The following CFAP300 variants were observed in gnomAD, a reference collection of about 807,000 sequenced individuals.
CFAP300 encodes the protein cilia- and flagella-associated protein 300.
CFAP300 carries 32 observed loss-of-function variants against 33.0 expected under a neutral mutation model. That is an observed-to-expected ratio of 0.97 (90% CI 0.73 to 1.30). The LOEUF (loss-of-function observed/expected upper bound fraction) is 1.30. CFAP300 is among the 50% of genes most tolerant of loss of function. The pLI, the probability that CFAP300 is intolerant of heterozygous loss-of-function variation, is 0.00. For synonymous variants in CFAP300, 102 were observed against 106.8 expected (o/e 0.95, Z 0.28); for missense variants, 356 against 318.1 (o/e 1.12, Z -0.90).
chr11:102,067,260 G>A (rs1007784317), intron 4 of CFAP300, among the ~76,000 whole-genome samples: 2 of 152,192 alleles, frequency 1.3e-5, no homozygotes, highest in Non-Finnish European at 2.9e-5. Flanking sequence ...TGCTCGGAAG[G>A]CTGAAGTGAG....
rs763307794 is a variant in CFAP300, at chr11:102,066,505, G to T, written c.289G>T (p.Glu97Ter). The part of the protein sequence containing the change: ...IILGTEVKKI[E>*]AINVPCTQLS... ...TTCAGGAACTGAAGTGAAAAAAATT[G>T]AAGCTATAAATGTTCCTTGCACACA... is the stretch of plus-strand genomic sequence containing the variant. The change falls in exon 4 of 7, where the codon GAA becomes TAA. Residue 97 changes from glutamate to a stop codon, truncating the protein, a stop_gained. Coordinates refer to ENST00000434758, the MANE Select transcript of CFAP300 (RefSeq NM_032930.3). LOFTEE classifies it high-confidence loss of function. 4 of 1,587,764 alleles carry T rather than the reference G, an allele frequency of 2.5e-6. No individual in the cohort carries two copies. The highest frequency in any genetic ancestry group is 3.4e-6 in the Non-Finnish European group (4 of 1,170,394).
At chr11:102,057,772 G>C (rs1194410201) in intron 2 of CFAP300, 1 of 152,302 alleles carries the variant, frequency 6.6e-6, no homozygotes, top group African/African-American at 2.4e-5. Context: ...CATTTCTTTG[G>C]CAAAGGTAGT....
At chr11:102,077,396 C>T (rs1942411696) in intron 5 of CFAP300, among the ~76,000 whole-genome samples, 1 of 152,156 alleles carries the variant, frequency 6.6e-6, no homozygotes, top group Non-Finnish European at 1.5e-5. Flanking sequence ...AATATTATTG[C>T]TAATCCATTC....
At chr11:102,081,422 G>C in intron 6 of CFAP300, 141 bp downstream of exon 6, 1 of 719,434 alleles carries the variant, frequency 1.4e-6, no homozygotes, top group Non-Finnish European at 2.3e-6. Flanking sequence ...AAAATTAAAA[G>C]TTGATAGAGT....
chr11:102,078,274 C>A (rs1942427293), intron 5 of CFAP300, among the ~76,000 whole-genome samples: 1 of 152,146 alleles, frequency 6.6e-6, no homozygotes, highest in Admixed American at 6.6e-5. Flanking sequence ...GGGACTGATC[C>A]TCAGAAATAA....
At chr11:102,050,936 A>C (rs573323860) in intron 2 of CFAP300, among the ~76,000 whole-genome samples, 6 of 152,346 alleles carry the variant, frequency 3.9e-5, no homozygotes, top group African/African-American at 1.4e-4. Context: ...GTGGGTTGTT[A>C]GGACTGAGTC....
chr11:102,065,748 CAA>C (rs1211159409), intron 3 of CFAP300, among the ~76,000 whole-genome samples: 1 of 150,612 alleles, frequency 6.6e-6, no homozygotes, highest in Non-Finnish European at 1.5e-5. Flanking sequence ...GCATGGGAAA[CAA>C]GAGCAAAACT....
At chr11:102,082,833 C>T (rs921620171) in intron 6 of CFAP300, among the ~76,000 whole-genome samples, 1 of 151,978 alleles carries the variant, frequency 6.6e-6, no homozygotes, top group Non-Finnish European at 1.5e-5. Context: ...CCTGTCTCTA[C>T]TAAAAACACA....
chr11:102,059,922 A>G (rs181082015), intron 3 of CFAP300, among the ~76,000 whole-genome samples: 122 of 149,838 alleles, frequency 8.1e-4, no homozygotes, highest in African/African-American at 2.8e-3. Context: ...AGTAACTGGG[A>G]TTACAGTCAT....
intron 2 of CFAP300, among the ~76,000 whole-genome samples, chr11:102,055,063 C>T (rs906124987): frequency 1.3e-5 from 2 of 151,628 alleles, no homozygotes; most frequent in African/African-American, 4.9e-5. Flanking sequence ...TCACTGCAAC[C>T]TCTGCCTCCG....
intron 2 of CFAP300, among the ~76,000 whole-genome samples, chr11:102,054,942 G>A (rs889820272): frequency 6.6e-6 from 1 of 151,484 alleles, no homozygotes; most frequent in Non-Finnish European, 1.5e-5. Context: ...CCCTCCTCAC[G>A]AGTGTGTAAC....
At chr11:102,074,661 T>A (rs1323062545) in intron 4 of CFAP300, among the ~76,000 whole-genome samples, 1 of 152,096 alleles carries the variant, frequency 6.6e-6, no homozygotes, top group Non-Finnish European at 1.5e-5. Flanking sequence ...AGTTTTTTTG[T>A]CCTTTATTAT....
chr11:102,081,441 G>A (rs1942471652), intron 6 of CFAP300, 160 bp downstream of exon 6: 2 of 647,258 alleles, frequency 3.1e-6, no homozygotes, highest in Non-Finnish European at 5.2e-6. Context: ...GTATGCTTTT[G>A]TTTGGAGAAC....
chr11:102,054,767 C>T (rs1591314708), intron 2 of CFAP300, among the ~76,000 whole-genome samples: 2 of 148,228 alleles, frequency 1.3e-5, no homozygotes, highest in Admixed American at 6.8e-5. Flanking sequence ...AGTTTAGATT[C>T]CTCTCTGAAG....
chr11:102,051,960 G>A (rs1280515462), intron 2 of CFAP300, among the ~76,000 whole-genome samples: 2 of 152,170 alleles, frequency 1.3e-5, no homozygotes, highest in Non-Finnish European at 2.9e-5. Context: ...TTTTTCCAAA[G>A]CACAGTCAGC....
At chr11:102,080,072 A>G (rs1374480340) in intron 5 of CFAP300, among the ~76,000 whole-genome samples, 4 of 152,166 alleles carry the variant, frequency 2.6e-5, no homozygotes, top group African/African-American at 9.7e-5. Context: ...TCTTGAGGCC[A>G]GGGTTTCAAG....
At chr11:102,075,208 A>C (rs1942378773) in intron 4 of CFAP300, among the ~76,000 whole-genome samples, 1 of 152,192 alleles carries the variant, frequency 6.6e-6, no homozygotes, top group Admixed American at 6.5e-5. Flanking sequence ...ACAATCGATA[A>C]ATGAATCAGT....
chr11:102,080,702 C>A (rs1942461477), intron 5 of CFAP300, among the ~76,000 whole-genome samples: 3 of 152,054 alleles, frequency 2.0e-5, no homozygotes, highest in Admixed American at 1.3e-4. Context: ...GACCGGCCCA[C>A]AAATAGTTTT....
At chr11:102,074,935 G>A (rs546302001) in intron 4 of CFAP300, among the ~76,000 whole-genome samples, 116 of 151,880 alleles carry the variant, frequency 7.6e-4, no homozygotes, top group African/African-American at 2.7e-3. Context: ...TCAAGCTCCT[G>A]GCCTCAAGCG....
Sources: gnomAD v4.1 joint callset for allele counts (sites outside exome capture counted in the v4.1 genomes callset) on GRCh38, gnomAD v4.1.1 for gene constraint, MANE v1.5 for transcripts, NCBI Gene and HGNC (gene_info 2026-07-23, HGNC 2026-07-21) for gene names.